The following MLIP variants were observed in gnomAD, a reference collection of about 807,000 sequenced individuals.
The protein encoded by MLIP is muscular LMNA interacting protein, also known as muscular LMNA-interacting protein.
A neutral mutation model predicts 84.8 loss-of-function variants in MLIP; 79 were observed. The observed-to-expected ratio is 0.93, with a 90% CI of 0.78 to 1.12. The LOEUF (loss-of-function observed/expected upper bound fraction) is 1.12, where lower values mean the gene tolerates loss of function less well. Among genes scored for constraint, MLIP ranks in the 50% most tolerant of loss-of-function variants. The probability of loss-of-function intolerance (pLI) is 0.00; values close to 1 mark genes in which losing one functional copy is unlikely to be tolerated. For synonymous variants in MLIP, 504 were observed against 463.0 expected, an observed-to-expected ratio of 1.09 and a Z score of -1.14; for missense variants, 1,257 against 1,160.6, an observed-to-expected ratio of 1.08 and a Z score of -1.21.
At chr6:54,033,776 TAAAC>T (rs1581996345) in intron 1 of MLIP, among the ~76,000 whole-genome samples, 1 of 152,300 alleles carries the variant, frequency 6.6e-6, no homozygotes, top group East Asian at 1.9e-4. Context: ...CAATGTGTAA[TAAAC>T]AAATAGTCAA....
intron 5 of MLIP, among the ~76,000 whole-genome samples, chr6:54,156,087 G>C (rs981740263): frequency 5.3e-5 from 8 of 151,906 alleles, no homozygotes; most frequent in Non-Finnish European, 8.8e-5. Context: ...AGCAATCTCT[G>C]GTCAGAATTC....
chr6:54,087,913 G>A (rs1209205383), intron 1 of MLIP, among the ~76,000 whole-genome samples: 20 of 151,318 alleles, frequency 1.3e-4, no homozygotes, highest in Non-Finnish European at 2.9e-5. Flanking sequence ...AGAGCCTAAA[G>A]CTCTACCTGG....
rs189609247 is a variant in MLIP, at chr6:54,148,683, A to G, written c.2218-373A>G. On this transcript the variant is annotated intron_variant, in intron 4 of 13. Coordinates refer to ENST00000502396, the MANE Select transcript of MLIP (RefSeq NM_001281747.2). ...TTAATTGTGACACTGTAGAAAAGAAACATTCCTTTGAGGATCAAGCAGAGC... is the reference window on the plus strand; with the variant it reads ...TTAATTGTGACACTGTAGAAAAGAAGCATTCCTTTGAGGATCAAGCAGAGC... Among the ~76,000 whole-genome samples the G allele has an allele frequency of 2.6e-5, 4 of 152,268 alleles. No homozygotes were observed. In the East Asian group the frequency reaches 7.7e-4, roughly 29 times the overall value.
At chr6:54,206,611 C>A (rs184578731) in intron 11 of MLIP, among the ~76,000 whole-genome samples, 1 of 152,148 alleles carries the variant, frequency 6.6e-6, no homozygotes, top group East Asian at 1.9e-4. Context: ...TATAGTATTT[C>A]ATTCCCGCTT....
At chr6:54,072,127 T>C (rs917841710) in intron 1 of MLIP, among the ~76,000 whole-genome samples, 8 of 152,190 alleles carry the variant, frequency 5.3e-5, no homozygotes, top group Non-Finnish European at 8.8e-5. Flanking sequence ...CCCCCACTGA[T>C]ACCAGCTGAT....
At chr6:54,061,926 A>T (rs529303039) in intron 1 of MLIP, among the ~76,000 whole-genome samples, 4 of 152,094 alleles carry the variant, frequency 2.6e-5, no homozygotes, top group African/African-American at 9.7e-5. Context: ...TTACTTTCTC[A>T]AGTTGGTTGT....
At chr6:54,047,801 T>C (rs1765153164) in intron 1 of MLIP, among the ~76,000 whole-genome samples, 1 of 152,228 alleles carries the variant, frequency 6.6e-6, no homozygotes, top group Non-Finnish European at 1.5e-5. Flanking sequence ...ATAGATTGCA[T>C]TAAATCATTT....
At chr6:54,181,355 G>A (rs1361725035) in intron 9 of MLIP, among the ~76,000 whole-genome samples, 1 of 151,992 alleles carries the variant, frequency 6.6e-6, no homozygotes, top group African/African-American at 2.4e-5. Context: ...AAAAGCCCAA[G>A]GGCTCTTTAG....
intron 4 of MLIP, among the ~76,000 whole-genome samples, chr6:54,142,239 T>C (rs1471983927): frequency 2.0e-5 from 3 of 152,198 alleles, no homozygotes; most frequent in Non-Finnish European, 4.4e-5. Flanking sequence ...AAATATGCAA[T>C]GATGCCTGTT....
intron 10 of MLIP, among the ~76,000 whole-genome samples, chr6:54,198,565 T>C (rs1778454349): frequency 6.6e-6 from 1 of 152,100 alleles, no homozygotes; most frequent in South Asian, 2.1e-4. Flanking sequence ...CTCTGTGTGG[T>C]ATAATTCCTG....
At chr6:54,024,906 C>T (rs1374826668) in intron 1 of MLIP, among the ~76,000 whole-genome samples, 3 of 152,112 alleles carry the variant, frequency 2.0e-5, no homozygotes, top group East Asian at 1.9e-4. Context: ...GGCATGATCT[C>T]GGCTCACTGC....
At chr6:54,188,868 A>T (rs1777651707) in intron 9 of MLIP, among the ~76,000 whole-genome samples, 1 of 152,206 alleles carries the variant, frequency 6.6e-6, no homozygotes, top group East Asian at 1.9e-4. Context: ...TTTAAATGTT[A>T]ATCAAATTTG....
intron 1 of MLIP, among the ~76,000 whole-genome samples, chr6:54,045,048 T>C (rs1217299535): frequency 2.6e-5 from 4 of 152,110 alleles, no homozygotes; most frequent in Non-Finnish European, 5.9e-5. Flanking sequence ...CTTCCTTCAG[T>C]AGAAATTCAT....
chr6:54,095,860 T>C (rs976578390), intron 1 of MLIP, among the ~76,000 whole-genome samples: 2 of 152,160 alleles, frequency 1.3e-5, no homozygotes, highest in African/African-American at 4.8e-5. Context: ...GAATTGCAAG[T>C]TTTCTTCCTT....
At chr6:54,171,150 G>C (rs777493482) in intron 9 of MLIP, among the ~76,000 whole-genome samples, 1 of 151,296 alleles carries the variant, frequency 6.6e-6, no homozygotes, top group African/African-American at 2.4e-5. Context: ...ATTCTGGAGC[G>C]GCTTCTTCAA....
chr6:54,108,724 A>G (rs1272255237), upstream of MLIP, among the ~76,000 whole-genome samples: 1 of 152,222 alleles, frequency 6.6e-6, no homozygotes, highest in Admixed American at 6.5e-5. Context: ...TGACTCAAGA[A>G]AGAATCTGAG....
chr6:54,114,875 T>C (rs1017092921), intron 1 of MLIP, among the ~76,000 whole-genome samples: 4 of 152,292 alleles, frequency 2.6e-5, no homozygotes, highest in African/African-American at 9.6e-5. Context: ...AGCATAGTAG[T>C]AGGACTGAAG....
At chr6:54,098,178 C>T (rs1374470662) in intron 1 of MLIP, among the ~76,000 whole-genome samples, 6 of 125,472 alleles carry the variant, frequency 4.8e-5, no homozygotes, top group Admixed American at 8.9e-5. Flanking sequence ...TTGTTAGAGA[C>T]GGGATCTCAA....
At chr6:54,121,699 A>G (rs1035477427) in intron 2 of MLIP, 97 bp downstream of exon 2, 146 of 958,918 alleles carry the variant, frequency 1.5e-4, no homozygotes, top group Non-Finnish European at 2.2e-4. Flanking sequence ...TGCTTAAATT[A>G]AGGTGACTGT....
Sources: gnomAD v4.1 joint callset for allele counts (sites outside exome capture counted in the v4.1 genomes callset) on GRCh38, gnomAD v4.1.1 for gene constraint, MANE v1.5 for transcripts, NCBI Gene and HGNC (gene_info 2026-07-23, HGNC 2026-07-21) for gene names.